The following CLASP1 variants were observed in gnomAD, a reference collection of about 807,000 sequenced individuals.
CLASP1 encodes cytoplasmic linker associated protein 1, also known as CLIP-associating protein 1.
In CLASP1, 38 loss-of-function variants were observed where a neutral mutation model predicts 192.3. That is an observed-to-expected ratio of 0.20 (90% CI 0.15 to 0.26). The LOEUF (loss-of-function observed/expected upper bound fraction) is 0.26, where lower values mean the gene tolerates loss of function less well. Among genes scored for constraint, CLASP1 ranks in the 10% least tolerant of loss-of-function variants. The probability of loss-of-function intolerance (pLI) is 1.00; values close to 1 mark genes in which losing one functional copy is unlikely to be tolerated. For synonymous variants in CLASP1, 691 were observed against 712.8 expected, an observed-to-expected ratio of 0.97 and a Z score of 0.49; for missense variants, 1,433 against 1,932.5, an observed-to-expected ratio of 0.74 and a Z score of 4.85.
intron 19 of CLASP1, among the ~76,000 whole-genome samples, chr2:121,442,157 T>A (rs1348611411): frequency 6.6e-6 from 1 of 152,210 alleles, no homozygotes; most frequent in Non-Finnish European, 1.5e-5. Context: ...ACTAGCTTTT[T>A]TAAAAAAGTA....
chr2:121,563,191 A>C (rs984760823), intron 2 of CLASP1, among the ~76,000 whole-genome samples: 1 of 152,100 alleles, frequency 6.6e-6, no homozygotes, highest in African/African-American at 2.4e-5. Context: ...TCTAACCACA[A>C]CACTCAAGGA....
intron 19 of CLASP1, among the ~76,000 whole-genome samples, chr2:121,438,102 T>A (rs2082611995): frequency 1.3e-5 from 2 of 152,190 alleles, no homozygotes; most frequent in South Asian, 2.1e-4. Context: ...TAACACAGAG[T>A]ATGAACTCTT....
intron 33 of CLASP1, among the ~76,000 whole-genome samples, chr2:121,381,344 A>G (rs1234472974): frequency 6.6e-6 from 1 of 151,684 alleles, no homozygotes; most frequent in Non-Finnish European, 1.5e-5. Flanking sequence ...ACCCTCTATT[A>G]TAGAGGATAG....
At position 121,530,991 on chromosome 2, in the gene CLASP1, G is replaced by A. The variant is rs759252092; in HGVS notation, c.196-666C>T. On this transcript the variant is annotated intron_variant, in intron 2 of 39. Coordinates refer to ENST00000263710, the Ensembl canonical transcript of CLASP1. ...CAACTAGAGCTTTTGCTTTATTTTGGTGCAATTTTTGGAAAAATGAAAACC... is the reference window on the plus strand; with the variant it reads ...CAACTAGAGCTTTTGCTTTATTTTGATGCAATTTTTGGAAAAATGAAAACC... 4.6e-5 allele frequency: 32 copies of A among 700,118 alleles called. No individual in the cohort carries two copies. The highest frequency in any genetic ancestry group is 3.4e-4 in the South Asian group (23 of 67,500). The allele number at this position is 700,118 out of a possible 1,614,324, so 43.4% of individuals were successfully genotyped here.
At chr2:121,434,729 C>A (rs2082013600) in intron 19 of CLASP1, among the ~76,000 whole-genome samples, 1 of 152,154 alleles carries the variant, frequency 6.6e-6, no homozygotes, top group Non-Finnish European at 1.5e-5. Flanking sequence ...GTGGCTCACA[C>A]CTGTAAGCCC....
intron 30 of CLASP1, among the ~76,000 whole-genome samples, chr2:121,390,080 C>T (rs565294954): frequency 3.9e-5 from 6 of 152,234 alleles, no homozygotes; most frequent in African/African-American, 9.6e-5. Flanking sequence ...CAGAGTTTTG[C>T]CACGAATTAG....
chr2:121,561,644 T>A (rs1446079375), intron 2 of CLASP1, among the ~76,000 whole-genome samples: 1 of 152,204 alleles, frequency 6.6e-6, no homozygotes, highest in Non-Finnish European at 1.5e-5. Flanking sequence ...ACAAAGTTTG[T>A]GAATTTGTGT....
At chr2:121,500,308 G>A (rs1413686882) in intron 8 of CLASP1, among the ~76,000 whole-genome samples, 1 of 147,154 alleles carries the variant, frequency 6.8e-6, no homozygotes, top group African/African-American at 2.5e-5. Context: ...GGGAGAGACA[G>A]AAAGAGAGAG....
chr2:121,604,763 A>C (rs2064213718), intron 2 of CLASP1, among the ~76,000 whole-genome samples: 1 of 152,254 alleles, frequency 6.6e-6, no homozygotes, highest in Admixed American at 6.5e-5. Flanking sequence ...AACAGAGTAC[A>C]TACTAGAGCA....
chr2:121,444,906 G>A (rs1354119049), intron 19 of CLASP1: 8 of 1,335,652 alleles, frequency 6.0e-6, no homozygotes, highest in Non-Finnish European at 8.0e-6. Context: ...GAGAAAGTGA[G>A]ACACACCTCA....
intron 1 of CLASP1, among the ~76,000 whole-genome samples, chr2:121,612,851 C>G (rs1340177376): frequency 6.6e-6 from 1 of 152,180 alleles, no homozygotes; most frequent in East Asian, 1.9e-4. Flanking sequence ...ACAATCCCTG[C>G]AGTCAGTTCT....
intron 6 of CLASP1, among the ~76,000 whole-genome samples, chr2:121,522,584 C>G (rs779994368): frequency 2.6e-5 from 4 of 152,174 alleles, no homozygotes; most frequent in Admixed American, 1.3e-4. Context: ...ATTATACAAT[C>G]TATTTATGAT....
In CLASP1 at chr2:121,573,915, G is replaced by C. The variant is rs116707448; in HGVS notation, c.195+31786C>G. On this transcript the variant is annotated intron_variant, in intron 2 of 39. Transcript: ENST00000263710. ...ATTTTCTCTTACCACACATAGACCA[G>C]CAACAAAAACGTAAGCTTTGCAGAG... Among the ~76,000 whole-genome samples, 915 of 152,298 alleles carry C rather than the reference G, an allele frequency of 6.0e-3. 4 individuals are homozygous for C. Among genetic ancestry groups the C allele is most frequent in the Admixed American group, 1.0e-2 (153 of 15,308 alleles).
At chr2:121,420,978 G>C (rs1014943064) in intron 22 of CLASP1, among the ~76,000 whole-genome samples, 17 of 152,330 alleles carry the variant, frequency 1.1e-4, no homozygotes, top group East Asian at 1.9e-4. Context: ...CACCCAGAGA[G>C]AGTTCATTCA....
At chr2:121,464,077 T>C (rs2088825806) in intron 9 of CLASP1, among the ~76,000 whole-genome samples, 2 of 147,550 alleles carry the variant, frequency 1.4e-5, no homozygotes, top group African/African-American at 5.0e-5. Context: ...TTCCCACCTA[T>C]GAGTGAGCAT....
At chr2:121,360,451 G>C (rs1296894218) in intron 37 of CLASP1, among the ~76,000 whole-genome samples, 1 of 152,052 alleles carries the variant, frequency 6.6e-6, no homozygotes, top group Non-Finnish European at 1.5e-5. Flanking sequence ...AAGGACTAGA[G>C]AACTATTACG....
At chr2:121,496,416 G>A (rs561962039) in intron 8 of CLASP1, among the ~76,000 whole-genome samples, 13 of 152,266 alleles carry the variant, frequency 8.5e-5, no homozygotes, top group Non-Finnish European at 1.6e-4. Context: ...TCTCTCCTGT[G>A]TTTTGCTCAG....
rs1407972931 is a variant in CLASP1 at position 121,548,594 on chromosome 2, C to G, written c.196-18269G>C. On this transcript the variant is annotated intron_variant, in intron 2 of 39. Transcript: ENST00000263710. Reference sequence around the variant, plus strand: ...AAGATGCTACACATGAAGATCACCCCCAAGACACATAATCATCAGATTTTC... The same window carrying G: ...AAGATGCTACACATGAAGATCACCCGCAAGACACATAATCATCAGATTTTC... Among the ~76,000 whole-genome samples, 3 of 151,994 alleles carry G rather than the reference C, an allele frequency of 2.0e-5. No individual in the cohort carries two copies. The East Asian group carries it at 5.8e-4, about 29-fold the overall frequency.
intron 8 of CLASP1, chr2:121,470,495 T>C (rs1490592647): frequency 2.2e-5 from 8 of 367,620 alleles, no homozygotes; most frequent in Non-Finnish European, 3.7e-5. Context: ...ATTTTTCCTC[T>C]GTGATGAAAT....
Sources: gnomAD v4.1 joint callset for allele counts (sites outside exome capture counted in the v4.1 genomes callset) on GRCh38, gnomAD v4.1.1 for gene constraint, MANE v1.5 for transcripts, NCBI Gene and HGNC (gene_info 2026-07-23, HGNC 2026-07-21) for gene names.